TENT4B: variants seen among roughly 807,000 people sequenced by gnomAD.
The protein encoded by TENT4B is terminal nucleotidyltransferase 4B.
A neutral mutation model predicts 75.0 loss-of-function variants in TENT4B; 10 were observed. The ratio of observed to expected loss-of-function variants is 0.13; its 90% CI spans 0.08 to 0.23. The LOEUF (loss-of-function observed/expected upper bound fraction) is 0.23, where lower values mean the gene tolerates loss of function less well. Ranked by LOEUF, TENT4B falls within the 10% of genes least tolerant of loss-of-function variation. TENT4B has a pLI of 1.00. For missense variants in TENT4B, 579 were observed against 893.8 expected, an observed-to-expected ratio of 0.65 and a Z score of 4.49; for synonymous variants, 350 against 357.7, an observed-to-expected ratio of 0.98 and a Z score of 0.24.
chr16:50,182,799 T>C (rs533660097), intron 1 of TENT4B, among the ~76,000 whole-genome samples: 1 of 151,538 alleles, frequency 6.6e-6, no homozygotes, highest in South Asian at 2.1e-4. Flanking sequence ...CTGAGATTCA[T>C]GTATGTTGCC....
intron 1 of TENT4B, among the ~76,000 whole-genome samples, chr16:50,191,408 ACTTT>A (rs2038636129): frequency 6.6e-6 from 1 of 152,166 alleles, no homozygotes; most frequent in East Asian, 1.9e-4. Context: ...CCTAATGGCT[ACTTT>A]TAAAGTATGT....
rs1386396762 is a variant in TENT4B, at chr16:50,232,822, C to T, written c.*3494C>T. 6 of 985,224 alleles carry T rather than the reference C, an allele frequency of 6.1e-6. No individual in the cohort carries two copies. The African/African-American group carries it at 1.0e-4, about 17-fold the overall frequency. 61.0% of individuals were successfully genotyped at this position (985,224 alleles called of 1,614,324 possible). Reference sequence around the variant, plus strand: ...CTTTAATATTGATCTATAGTTTGATCAGTTCCTTGAATTCTAATATGTTGA... The same window carrying T: ...CTTTAATATTGATCTATAGTTTGATTAGTTCCTTGAATTCTAATATGTTGA... On this transcript the variant is annotated 3_prime_UTR_variant, in exon 12 of 12. Coordinates refer to ENST00000561678, the MANE Select transcript of TENT4B (RefSeq NM_001365324.3).
At chr16:50,160,840 A>C (rs1038931615) in intron 1 of TENT4B, among the ~76,000 whole-genome samples, 6 of 152,242 alleles carry the variant, frequency 3.9e-5, no homozygotes, top group African/African-American at 9.6e-5. Context: ...GACTCTGTTA[A>C]GAGTAACATT....
chr16:50,216,230 G>GT, intron 4 of TENT4B, 35 bp downstream of exon 4: 1 of 1,610,812 alleles, frequency 6.2e-7, no homozygotes, highest in East Asian at 2.2e-5. Flanking sequence ...AAAATCCTTA[G>GT]TTATTTACCT....
chr16:50,218,042 C>G (rs1012428621), intron 5 of TENT4B, among the ~76,000 whole-genome samples: 3 of 151,906 alleles, frequency 2.0e-5, no homozygotes, highest in African/African-American at 4.8e-5. Context: ...CAGGCATGAG[C>G]CACCATGCTC....
intron 11 of TENT4B, among the ~76,000 whole-genome samples, chr16:50,228,460 C>T (rs1380436847): frequency 6.6e-6 from 1 of 152,208 alleles, no homozygotes; most frequent in African/African-American, 2.4e-5. Context: ...TAAAAGGCCA[C>T]AGAGATACTC....
intron 1 of TENT4B, among the ~76,000 whole-genome samples, chr16:50,200,875 G>A (rs1371909463): frequency 6.6e-6 from 1 of 151,822 alleles, no homozygotes; most frequent in Non-Finnish European, 1.5e-5. Context: ...GCTCACTGCA[G>A]CCTCAACTTC....
At chr16:50,190,094 CAAAGA>C (rs1007587997) in intron 1 of TENT4B, among the ~76,000 whole-genome samples, 8 of 19,868 alleles carry the variant, frequency 4.0e-4, no homozygotes, top group South Asian at 7.3e-3. Context: ...AAAAAAAAAA[CAAAGA>C]AAAGAAAAGA....
At position 50,214,231 on chromosome 16, in the gene TENT4B, T is replaced by A; in HGVS notation, c.773T>A (p.Phe258Tyr). Residue 258 changes from phenylalanine to tyrosine, a missense_variant, in exon 3 of 12, where the codon TTT becomes TAT. Coordinates refer to ENST00000561678, the MANE Select transcript of TENT4B (RefSeq NM_001365324.3). The stretch of plus-strand genomic sequence containing the variant: ...CTTTTTCTGTTTCAGGTCCAGATAT[T>A]TGGAAGTTTTAAAACTGGACTTTAT... ...ELWPSADVQI[F>Y]GSFKTGLYLP... 1.3e-6 allele frequency: 2 copies of A among 1,587,194 alleles called. No individual in the cohort carries two copies. The highest frequency in any genetic ancestry group is 1.7e-6 in the Non-Finnish European group (2 of 1,158,970).
intron 1 of TENT4B, among the ~76,000 whole-genome samples, chr16:50,163,754 T>TTA (rs1007936176): frequency 2.0e-5 from 3 of 151,808 alleles, no homozygotes; most frequent in South Asian, 2.1e-4. Flanking sequence ...TTTAGTGTTT[T>TTA]TATATATATA....
rs1199335973 is a variant in TENT4B at position 50,227,971 on chromosome 16, A to G, written c.1933A>G (p.Thr645Ala). ...AVGKMQSTQT[T>A]NTSNSTNKSQ... Reference sequence around the variant, plus strand: ...TGGGAAAATGCAAAGCACCCAAACCACTAACACATCCAACAGCACCAACAA... The same window carrying G: ...TGGGAAAATGCAAAGCACCCAAACCGCTAACACATCCAACAGCACCAACAA... Residue 645 changes from threonine (T) to alanine (A), a missense_variant, in exon 11 of 12, where the codon ACT (threonine) becomes GCT (alanine). Thr to Ala is a moderately conservative substitution (Grantham distance 58, BLOSUM62 0). Transcript: ENST00000561678. The G allele has an allele frequency of 3.7e-6, 6 of 1,614,024 alleles. No individual in the cohort carries two copies. Among genetic ancestry groups the G allele is most frequent in the East Asian group, 2.2e-5 (1 of 44,888 alleles).
chr16:50,221,199 T>C (rs1402856410), intron 5 of TENT4B, among the ~76,000 whole-genome samples: 2 of 152,060 alleles, frequency 1.3e-5, no homozygotes, highest in Non-Finnish European at 2.9e-5. Flanking sequence ...GAGATTGCAA[T>C]GAGCCAAGAT....
chr16:50,178,510 A>G (rs181826527), intron 1 of TENT4B, among the ~76,000 whole-genome samples: 4 of 152,250 alleles, frequency 2.6e-5, no homozygotes, highest in African/African-American at 9.6e-5. Flanking sequence ...TGACTTCAAA[A>G]TAACTACTGA....
intron 1 of TENT4B, among the ~76,000 whole-genome samples, chr16:50,205,275 A>G (rs2030884664): frequency 6.6e-6 from 1 of 152,174 alleles, no homozygotes; most frequent in Non-Finnish European, 1.5e-5. Flanking sequence ...ATGGGAAAAT[A>G]TAAAGGTGAC....
intron 1 of TENT4B, among the ~76,000 whole-genome samples, chr16:50,204,253 A>G (rs1318819776): frequency 1.3e-5 from 2 of 152,132 alleles, no homozygotes; most frequent in East Asian, 3.9e-4. Flanking sequence ...AGAGAAAAAG[A>G]CTTGAACTCA....
intron 5 of TENT4B, among the ~76,000 whole-genome samples, 153 bp downstream of exon 5, chr16:50,217,816 A>G (rs899097510): frequency 7.1e-5 from 10 of 140,464 alleles, no homozygotes; most frequent in Non-Finnish European, 1.1e-4. Context: ...CCTAGGCTGG[A>G]GTGCAGTGGC....
At position 50,230,932 on chromosome 16, in the gene TENT4B, TAAA is replaced by T; in HGVS notation, c.*1605_*1607del. On this transcript the variant is annotated 3_prime_UTR_variant, in exon 12 of 12. Transcript: ENST00000561678. ...AGATTCTTTTATATATATATACATA[TAAA>T]GTACTATTGGCTTTTAGGAGTTTCT... 1 of 979,720 alleles carries T rather than the reference TAAA, an allele frequency of 1.0e-6. No individual in the cohort carries two copies. Among genetic ancestry groups the T allele is most frequent in the South Asian group, 4.7e-5 (1 of 21,190 alleles). 60.7% of individuals were successfully genotyped at this position (979,720 alleles called of 1,614,324 possible).
chr16:50,210,609 C>G (rs2031228953), intron 1 of TENT4B, among the ~76,000 whole-genome samples: 2 of 152,238 alleles, frequency 1.3e-5, no homozygotes. Flanking sequence ...TAAAATGCTG[C>G]ATTTTTGAAG....
chr16:50,215,514 A>AGGT (rs2031505297), intron 3 of TENT4B, among the ~76,000 whole-genome samples: 2 of 152,252 alleles, frequency 1.3e-5, no homozygotes, highest in African/African-American at 4.8e-5. Flanking sequence ...CACATTTGGA[A>AGGT]AAGGCACAAA....
Sources: allele counts gnomAD v4.1 joint callset (sites outside exome capture counted in the v4.1 genomes callset), GRCh38; gene constraint gnomAD v4.1.1; transcripts MANE v1.5; gene names NCBI Gene and HGNC (gene_info 2026-07-23, HGNC 2026-07-21).